GXYLT2: variants seen among roughly 807,000 people sequenced by gnomAD.
GXYLT2 encodes glycosyltransferase 8 domain containing 4.
A neutral mutation model predicts 45.8 loss-of-function variants in GXYLT2; 53 were observed. The observed-to-expected ratio is 1.16, with a 90% CI of 0.93 to 1.46. The LOEUF is 1.46. GXYLT2 is among the 40% of genes most tolerant of loss of function. The probability of loss-of-function intolerance (pLI) is 0.00; values close to 1 mark genes in which losing one functional copy is unlikely to be tolerated. For synonymous variants in GXYLT2, 219 were observed against 214.2 expected (o/e 1.02, Z -0.19); for missense variants, 551 against 544.4 (o/e 1.01, Z -0.12).
At chr3:72,957,998 C>T (rs1710683786) in intron 5 of GXYLT2, among the ~76,000 whole-genome samples, 1 of 152,146 alleles carries the variant, frequency 6.6e-6, no homozygotes, top group African/African-American at 2.4e-5. Flanking sequence ...CTCCCAGGCA[C>T]AGTGGCTCAC....
In GXYLT2 at chr3:72,922,317, C is replaced by G. The variant is rs752259043; in HGVS notation, c.582C>G (p.Ala194=). 1.2e-6 allele frequency: 2 copies of G among 1,612,096 alleles called. No homozygotes were observed. The highest frequency in any genetic ancestry group is 1.7e-6 in the Non-Finnish European group (2 of 1,179,412). Residue 194 remains alanine (A), a synonymous_variant, in exon 3 of 7, where the codon GCC becomes GCG. Coordinates refer to ENST00000389617, the MANE Select transcript of GXYLT2 (RefSeq NM_001080393.2). ...EWKKLFKPCA[A]QRLFLPVILK... Reference sequence around the variant, plus strand: ...AGAAATTGTTCAAACCCTGTGCTGCCCAGAGACTCTTTCTTCCGGTAGGAA... The same window carrying G: ...AGAAATTGTTCAAACCCTGTGCTGCGCAGAGACTCTTTCTTCCGGTAGGAA...
At chr3:72,927,737 A>G (rs1709945359) in intron 3 of GXYLT2, among the ~76,000 whole-genome samples, 1 of 152,208 alleles carries the variant, frequency 6.6e-6, no homozygotes, top group South Asian at 2.1e-4. Context: ...AAGCACCAAG[A>G]GGCCATAAAT....
chr3:72,912,568 A>T (rs998859442), intron 2 of GXYLT2, among the ~76,000 whole-genome samples: 4 of 152,212 alleles, frequency 2.6e-5, no homozygotes, highest in African/African-American at 9.7e-5. Flanking sequence ...ACATATATGT[A>T]TGTATGAAAT....
At chr3:72,967,917 C>T (rs553672787) in intron 6 of GXYLT2, among the ~76,000 whole-genome samples, 198 bp downstream of exon 6, 3 of 152,292 alleles carry the variant, frequency 2.0e-5, no homozygotes, top group African/African-American at 7.2e-5. Context: ...CTTATTTCCA[C>T]GTACACCATT....
chr3:72,895,549 CAG>C (rs1315418869), intron 1 of GXYLT2, among the ~76,000 whole-genome samples: 4 of 152,024 alleles, frequency 2.6e-5, no homozygotes, highest in African/African-American at 9.7e-5. Flanking sequence ...AATTTGAGAA[CAG>C]ATTTGTTTTC....
chr3:72,963,462 T>G (rs533544680), intron 5 of GXYLT2, among the ~76,000 whole-genome samples: 1 of 150,798 alleles, frequency 6.6e-6, no homozygotes, highest in East Asian at 2.0e-4. Flanking sequence ...TACCAGCACT[T>G]TGGGAGGCCG....
intron 3 of GXYLT2, among the ~76,000 whole-genome samples, chr3:72,942,665 A>C (rs1015971832): frequency 2.0e-5 from 3 of 152,014 alleles, no homozygotes; most frequent in African/African-American, 7.3e-5. Context: ...CATAACCTCA[A>C]TCTAAACATG....
chr3:72,921,784 T>A (rs748582411), intron 2 of GXYLT2, among the ~76,000 whole-genome samples: 1 of 152,276 alleles, frequency 6.6e-6, no homozygotes, highest in Admixed American at 6.5e-5. Context: ...TTGTCCCAAT[T>A]CCTTATTATT....
At chr3:72,967,820 C>T in intron 6 of GXYLT2, 101 bp downstream of exon 6, 2 of 977,790 alleles carry the variant, frequency 2.0e-6, no homozygotes, top group Non-Finnish European at 3.1e-6. Flanking sequence ...ATTCCCAAAG[C>T]ATAGAGTTAT....
chr3:72,974,957 T>C lies in GXYLT2; in HGVS notation c.1150-20T>C, dbSNP rs764995800. ...TGGCATTTCCGTTACTAAATAAACT[T>C]TTTTTTTGTCATCTTTCAGTTTCCC... On this transcript the variant is annotated intron_variant, in intron 6 of 6. Transcript: ENST00000389617. 1 of 1,525,550 alleles carries C rather than the reference T, an allele frequency of 6.6e-7. No homozygotes were observed. Among genetic ancestry groups the C allele is most frequent in the African/African-American group, 1.4e-5 (1 of 71,202 alleles). The allele number at this position is 1,525,550 out of a possible 1,614,324, so 94.5% of individuals were successfully genotyped here. A position where few individuals can be genotyped will look rare whatever the true frequency, so the allele number is the denominator to read the frequency against.
intron 6 of GXYLT2, among the ~76,000 whole-genome samples, chr3:72,973,709 A>T (rs915017040): frequency 3.3e-5 from 5 of 152,112 alleles, no homozygotes; most frequent in African/African-American, 1.2e-4. Context: ...GATGAATTGG[A>T]TGAGGGTTGT....
chr3:72,975,030 G>A lies in GXYLT2; in HGVS notation c.1203G>A (p.Lys401=), dbSNP rs780361701. The change falls in exon 7 of 7, where the codon AAG becomes AAA. Residue 401 remains lysine (K), a synonymous_variant. Coordinates refer to ENST00000389617, the MANE Select transcript of GXYLT2 (RefSeq NM_001080393.2). The stretch of plus-strand genomic sequence containing the variant: ...CCATGTATTACCCCCTTCAGCTGAA[G>A]TTTTTGGAGACTGTGCACACTTTAT... ...FQSMYYPLQL[K]FLETVHTLCG... 1 of 1,611,068 alleles carries A rather than the reference G, an allele frequency of 6.2e-7. No homozygotes were observed. The highest frequency in any genetic ancestry group is 8.5e-7 in the Non-Finnish European group (1 of 1,178,212).
At chr3:72,916,320 A>G (rs1709742358) in intron 2 of GXYLT2, among the ~76,000 whole-genome samples, 2 of 151,402 alleles carry the variant, frequency 1.3e-5, no homozygotes, top group South Asian at 2.1e-4. Flanking sequence ...TTAGGAAAAA[A>G]AAAAAAGAAA....
chr3:72,950,644 G>C (rs1264587994), intron 3 of GXYLT2, among the ~76,000 whole-genome samples: 1 of 151,762 alleles, frequency 6.6e-6, no homozygotes. Context: ...AAAAAAATGG[G>C]CCAAAAGAGC....
At chr3:72,972,815 C>A (rs1380059494) in intron 6 of GXYLT2, among the ~76,000 whole-genome samples, 2 of 129,236 alleles carry the variant, frequency 1.5e-5, no homozygotes, top group Non-Finnish European at 3.2e-5. Flanking sequence ...GTCCCAGCTA[C>A]TGGGTGGGGA....
intron 4 of GXYLT2, among the ~76,000 whole-genome samples, 152 bp downstream of exon 4, chr3:72,955,501 A>G (rs956775224): frequency 6.6e-6 from 1 of 152,218 alleles, no homozygotes; most frequent in African/African-American, 2.4e-5. Context: ...AGAAAATTAT[A>G]GAATATTTGT....
At chr3:72,948,312 C>CT (rs1281510701) in intron 3 of GXYLT2, among the ~76,000 whole-genome samples, 1 of 152,122 alleles carries the variant, frequency 6.6e-6, no homozygotes, top group Non-Finnish European at 1.5e-5. Context: ...GCAGCATAAA[C>CT]TTTTTTTTAT....
chr3:72,929,609 AT>A, intron 3 of GXYLT2: 1 of 989,312 alleles, frequency 1.0e-6, no homozygotes, highest in Non-Finnish European at 1.6e-6. Flanking sequence ...CCTCAGGCTA[AT>A]TTCCCCATAG....
intron 1 of GXYLT2, among the ~76,000 whole-genome samples, chr3:72,903,886 C>A (rs1709453414): frequency 6.6e-6 from 1 of 152,108 alleles, no homozygotes; most frequent in Non-Finnish European, 1.5e-5. Context: ...TTGGTTTAAG[C>A]AAAAGGGAGT....
Sources: allele counts gnomAD v4.1 joint callset (sites outside exome capture counted in the v4.1 genomes callset), GRCh38; gene constraint gnomAD v4.1.1; transcripts MANE v1.5; gene names NCBI Gene and HGNC (gene_info 2026-07-23, HGNC 2026-07-21).